CLIC5: variants seen among roughly 807,000 people sequenced by gnomAD.
CLIC5 encodes the protein chloride intracellular channel protein 5.
Under a neutral mutation model 24.7 loss-of-function variants are expected in CLIC5, and 20 were observed. The ratio of observed to expected loss-of-function variants is 0.81; its 90% CI spans 0.57 to 1.18. CLIC5 has a LOEUF of 1.18. Ranked by LOEUF, CLIC5 falls within the 50% of genes most tolerant of loss-of-function variation. The probability of loss-of-function intolerance (pLI) is 0.00; values close to 1 mark genes in which losing one functional copy is unlikely to be tolerated. For missense variants in CLIC5, 341 were observed against 326.1 expected (o/e 1.05, Z -0.35); for synonymous variants, 159 against 135.6 (o/e 1.17, Z -1.20).
At chr6:46,037,081 C>T (rs185990351) in intron 1 of CLIC5, among the ~76,000 whole-genome samples, 107 of 152,234 alleles carry the variant, frequency 7.0e-4, no homozygotes, top group African/African-American at 2.5e-3. Context: ...ATACAGATGC[C>T]ATGTGTCATT....
chr6:45,941,005 A>G (rs1212855550), intron 4 of CLIC5, among the ~76,000 whole-genome samples: 1 of 152,164 alleles, frequency 6.6e-6, no homozygotes, highest in Non-Finnish European at 1.5e-5. Context: ...CTGATGTAGG[A>G]TGGGCCAGGC....
At position 45,914,153 on chromosome 6, in the gene CLIC5, G is replaced by C. The variant is rs567246608; in HGVS notation, c.588+75C>G. On this transcript the variant is annotated intron_variant, in intron 5 of 5. Transcript: ENST00000339561. ...TTGACCAACAGGTGGTACTGTCCTT[G>C]ACTCATCCACACAGGTGACCTGGGC... The C allele has an allele frequency of 8.6e-6, 11 of 1,280,974 alleles. No individual in the cohort carries two copies. In the African/African-American group the frequency reaches 1.6e-4, roughly 19 times the overall value. 79.4% of individuals were successfully genotyped at this position (1,280,974 alleles called of 1,614,324 possible).
chr6:45,888,640 A>G (rs565995108), intron 6 of CLIC5, among the ~76,000 whole-genome samples: 5 of 152,204 alleles, frequency 3.3e-5, no homozygotes, highest in Non-Finnish European at 7.3e-5. Context: ...CATATTACAT[A>G]ATTTTCAAAG....
In CLIC5 at chr6:45,974,518, TATATAGAG is replaced by T. The variant is rs1410059505; in HGVS notation, c.64-19282_64-19275del. On this transcript the variant is annotated intron_variant, in intron 1 of 5. Transcript: ENST00000339561. Reference sequence around the variant, plus strand: ...GTGTGTATATATATATATATATATATATATAGAGAGAGAGAGAGAGAGAGAGAGAGAGA... The same window carrying T: ...GTGTGTATATATATATATATATATATAGAGAGAGAGAGAGAGAGAGAGAGA... 6.4e-3 allele frequency among the ~76,000 whole-genome samples: 541 copies of T among 84,028 alleles called. 1 individual carries two copies. Among genetic ancestry groups the T allele is most frequent in the African/African-American group, 0.013 (252 of 19,990 alleles). The allele number at this position is 84,028 out of a possible 152,430, so 55.1% of individuals were successfully genotyped here. A position where few individuals can be genotyped will look rare whatever the true frequency, so the allele number is the denominator to read the frequency against.
intron 3 of CLIC5, 96 bp from the exon 4 acceptor site, chr6:45,941,749 C>T (rs1764140086): frequency 1.1e-6 from 1 of 933,152 alleles, no homozygotes; most frequent in African/African-American, 1.6e-5. Context: ...CTTCCCTTTC[C>T]AGCTGCATCT....
In CLIC5 at chr6:45,928,134, T is replaced by C. The variant is rs192586592; in HGVS notation, c.406+13413A>G. 1.4e-4 allele frequency among the ~76,000 whole-genome samples: 21 copies of C among 152,268 alleles called. No homozygotes were observed. In the East Asian group the frequency reaches 2.3e-3, roughly 17 times the overall value. ...AGGATTTGAAAGAAAGCCTGGGGTT[T>C]TAAAGCCAAAGTTCCATGTAGCAAC... On this transcript the variant is annotated intron_variant, in intron 4 of 5. Transcript: ENST00000339561.
At position 46,032,564 on chromosome 6, in the gene CLIC5, A is replaced by T. The variant is rs373370160; in HGVS notation, c.540+47139T>A. On this transcript the variant is annotated intron_variant, in intron 1 of 5. Coordinates refer to the CLIC5 transcript ENST00000185206. ...CATGCCAGCATGCTGGACTCTGCCCAACCCACACAGAATCCCTCAGGCTAT... is the reference window on the plus strand; with the variant it reads ...CATGCCAGCATGCTGGACTCTGCCCTACCCACACAGAATCCCTCAGGCTAT... Among the ~76,000 whole-genome samples the T allele has an allele frequency of 1.0e-3, 157 of 152,356 alleles. 5 individuals are homozygous for T. The South Asian group carries it at 0.029, about 28-fold the overall frequency.
chr6:46,128,005 T>C, the CLIC5 span, among the ~76,000 whole-genome samples: 14 of 152,202 alleles, frequency 9.2e-5, no homozygotes, highest in East Asian at 3.8e-4. Context: ...TATGAAATCG[T>C]TGAGTTGCTA....
chr6:45,892,595 A>C (rs1478137288), intron 6 of CLIC5, among the ~76,000 whole-genome samples: 8 of 152,230 alleles, frequency 5.3e-5, no homozygotes, highest in Non-Finnish European at 1.0e-4. Context: ...AGGGGAGCTT[A>C]TTTCCATGAT....
upstream of CLIC5, chr6:46,080,384 G>C (rs1454157978): frequency 1.6e-6 from 1 of 641,390 alleles, no homozygotes; most frequent in Non-Finnish European, 2.7e-6. Flanking sequence ...TCAATGACAG[G>C]TCTCTAACAA....
chr6:45,967,257 G>A (rs984521378), intron 1 of CLIC5, among the ~76,000 whole-genome samples: 1 of 152,258 alleles, frequency 6.6e-6, no homozygotes, highest in Non-Finnish European at 1.5e-5. Context: ...CCAAGGGCCA[G>A]CTTGGTTCCA....
At chr6:45,896,529 T>C (rs926228633), downstream of CLIC5, among the ~76,000 whole-genome samples, 4 of 152,248 alleles carry the variant, frequency 2.6e-5, no homozygotes, top group Non-Finnish European at 5.9e-5. Context: ...TCCAGTCTAA[T>C]ACTCCATGCC....
the CLIC5 span, among the ~76,000 whole-genome samples, chr6:46,107,802 A>G: frequency 4.9e-3 from 747 of 152,274 alleles, 2 homozygotes; most frequent in African/African-American, 0.016. Flanking sequence ...TTGGGAGGTC[A>G]AGGTGGGTGG....
At chr6:45,896,287 T>G (rs545180847), downstream of CLIC5, among the ~76,000 whole-genome samples, 68 of 152,346 alleles carry the variant, frequency 4.5e-4, no homozygotes, top group African/African-American at 1.6e-3. Context: ...GACCTTCCAA[T>G]AGATTGAATG....
chr6:45,991,897 A>T (rs912740805), intron 1 of CLIC5, among the ~76,000 whole-genome samples: 1 of 152,202 alleles, frequency 6.6e-6, no homozygotes, highest in Admixed American at 6.5e-5. Context: ...CAAGATTTTT[A>T]AAAAATTAGA....
At chr6:45,931,315 A>G (rs1041675864) in intron 4 of CLIC5, among the ~76,000 whole-genome samples, 2 of 152,192 alleles carry the variant, frequency 1.3e-5, no homozygotes, top group Non-Finnish European at 2.9e-5. Context: ...GGCAAGAGGG[A>G]CAGAGAACAG....
chr6:45,958,024 G>GAGATAGAAGGAGAGGGAGGTGTTGATGAC, intron 1 of CLIC5, among the ~76,000 whole-genome samples: 1 of 152,222 alleles, frequency 6.6e-6, no homozygotes, highest in South Asian at 2.1e-4. Flanking sequence ...CCAAATTCAT[G>GAGATAGAAGGAGAGGGAGGTGTTGATGAC]TCCCCCTGGA....
chr6:46,098,635 CAT>C, the CLIC5 span, among the ~76,000 whole-genome samples: 3 of 152,206 alleles, frequency 2.0e-5, no homozygotes, highest in Non-Finnish European at 4.4e-5. Context: ...GGGGAGGAAA[CAT>C]AGCCTTTGCA....
At chr6:45,896,432 G>A (rs1163970695), downstream of CLIC5, among the ~76,000 whole-genome samples, 1 of 150,970 alleles carries the variant, frequency 6.6e-6, no homozygotes, top group African/African-American at 2.4e-5. Context: ...CCAGAAAGGA[G>A]CCTTGCTCAA....
Sources: allele counts gnomAD v4.1 joint callset (sites outside exome capture counted in the v4.1 genomes callset), GRCh38; gene constraint gnomAD v4.1.1; transcripts MANE v1.5; gene names NCBI Gene and HGNC (gene_info 2026-07-23, HGNC 2026-07-21).